Variants in TENM2 observed in about 807,000 individuals in gnomAD.
The protein encoded by TENM2 is teneurin transmembrane protein 2, also known as teneurin-2.
TENM2 carries 52 observed loss-of-function variants against 245.2 expected under a neutral mutation model. The ratio of observed to expected loss-of-function variants is 0.21; its 90% CI spans 0.17 to 0.27. The LOEUF is 0.27. Ranked by LOEUF, TENM2 falls within the 10% of genes least tolerant of loss-of-function variation. The pLI, the probability that TENM2 is intolerant of heterozygous loss-of-function variation, is 1.00. For missense variants in TENM2, 3,046 were observed against 3,666.8 expected (o/e 0.83, Z 4.37); for synonymous variants, 1,363 against 1,438.9 (o/e 0.95, Z 1.19).
intron 2 of TENM2, among the ~76,000 whole-genome samples, chr5:167,722,471 T>C (rs554748844): frequency 2.0e-4 from 30 of 152,276 alleles, no homozygotes; most frequent in Admixed American, 8.5e-4. Flanking sequence ...GATATAGATA[T>C]ATAGAAATAG....
In TENM2 at chr5:168,216,939, T is replaced by C; in HGVS notation, c.4233+17T>C. On this transcript the variant is annotated intron_variant, in intron 22 of 28. Coordinates refer to ENST00000518659, the Ensembl canonical transcript of TENM2. Reference sequence around the variant, plus strand: ...GTAGCCCAGGTGAGACTCTTTCTTATTTCTCTTCACTAAGCAACACCTGCC... The same window carrying C: ...GTAGCCCAGGTGAGACTCTTTCTTACTTCTCTTCACTAAGCAACACCTGCC... 2 of 1,613,058 alleles carry C rather than the reference T, an allele frequency of 1.2e-6. No homozygotes were observed. The highest frequency in any genetic ancestry group is 1.7e-6 in the Non-Finnish European group (2 of 1,179,646).
chr5:167,348,893 AT>A (rs1758643115), intron 1 of TENM2, among the ~76,000 whole-genome samples: 1 of 152,172 alleles, frequency 6.6e-6, no homozygotes, highest in Admixed American at 6.5e-5. Context: ...CAACTAGTTT[AT>A]TGCATATTCT....
chr5:168,021,208 A>C (rs2151907872), intron 5 of TENM2, among the ~76,000 whole-genome samples: 1 of 152,308 alleles, frequency 6.6e-6, no homozygotes, highest in Non-Finnish European at 1.5e-5. Flanking sequence ...GGAAGGGCAA[A>C]CCCTCTTTAG....
At chr5:167,383,357 C>T (rs1251460462) in intron 2 of TENM2, among the ~76,000 whole-genome samples, 2 of 151,978 alleles carry the variant, frequency 1.3e-5, no homozygotes, top group Admixed American at 1.3e-4. Flanking sequence ...AGGAGCATGC[C>T]CTTTAAAGCC....
chr5:167,837,414 C>G (rs1769101231), intron 2 of TENM2, among the ~76,000 whole-genome samples: 1 of 152,096 alleles, frequency 6.6e-6, no homozygotes, highest in Non-Finnish European at 1.5e-5. Context: ...TACGCTCTCT[C>G]ATCAGTATAT....
intron 13 of TENM2, among the ~76,000 whole-genome samples, chr5:168,177,183 G>T (rs1697868278): frequency 6.6e-6 from 1 of 152,216 alleles, no homozygotes; most frequent in African/African-American, 2.4e-5. Flanking sequence ...CCAGCTGCGT[G>T]TGAATCCCAG....
intron 2 of TENM2, among the ~76,000 whole-genome samples, chr5:167,541,150 C>T (rs921363936): frequency 4.6e-5 from 7 of 152,172 alleles, no homozygotes; most frequent in Non-Finnish European, 5.9e-5. Flanking sequence ...CCCAAATGCC[C>T]TTAAGCATCA....
At chr5:167,777,776 G>A (rs1012900996) in intron 2 of TENM2, among the ~76,000 whole-genome samples, 1 of 152,126 alleles carries the variant, frequency 6.6e-6, no homozygotes, top group Non-Finnish European at 1.5e-5. Flanking sequence ...CAGAAAAGGG[G>A]CTTAATTTCT....
At chr5:168,019,910 G>A (rs1267151835) in intron 5 of TENM2, among the ~76,000 whole-genome samples, 1 of 152,184 alleles carries the variant, frequency 6.6e-6, no homozygotes, top group African/African-American at 2.4e-5. Flanking sequence ...GAAATGACAT[G>A]TTTCACCTAT....
chr5:167,716,580 C>A (rs1385947885), intron 2 of TENM2, among the ~76,000 whole-genome samples: 1 of 152,104 alleles, frequency 6.6e-6, no homozygotes, highest in Admixed American at 6.5e-5. Flanking sequence ...GAGCTTTGCT[C>A]CTTTCCTTGA....
chr5:168,102,961 TG>T (rs1477822292), intron 9 of TENM2, among the ~76,000 whole-genome samples: 1 of 152,164 alleles, frequency 6.6e-6, no homozygotes, highest in Non-Finnish European at 1.5e-5. Context: ...ACATGTGCCA[TG>T]TTGGTGTGCT....
chr5:167,701,662 G>A (rs537077489), intron 2 of TENM2, among the ~76,000 whole-genome samples: 1 of 152,256 alleles, frequency 6.6e-6, no homozygotes, highest in East Asian at 1.9e-4. Flanking sequence ...ATTGTTCTAA[G>A]GGTTCATTAA....
In TENM2 at chr5:168,011,926, T is replaced by C. The variant is rs2546947; in HGVS notation, c.1186+18744T>C. 6.0e-3 allele frequency among the ~76,000 whole-genome samples: 907 copies of C among 152,330 alleles called. 10 individuals carry two copies. The highest frequency in any genetic ancestry group is 0.021 in the African/African-American group (855 of 41,568). ...TGTCGCAGTGACTCAGTTTTCCTAA[T>C]TATAATTAGAGAAAGAGGTTCAGAG... is the stretch of plus-strand genomic sequence containing the variant. On this transcript the variant is annotated intron_variant, in intron 5 of 28. Transcript: ENST00000518659.
the TENM2 span, among the ~76,000 whole-genome samples, chr5:167,025,478 AAATT>A: frequency 6.6e-6 from 1 of 152,216 alleles, no homozygotes; most frequent in African/African-American, 2.4e-5. Context: ...ATTTAATTGT[AAATT>A]AATTAAATAA....
At chr5:167,880,214 G>A (rs1228354959) in intron 3 of TENM2, among the ~76,000 whole-genome samples, 2 of 151,852 alleles carry the variant, frequency 1.3e-5, no homozygotes, top group Non-Finnish European at 2.9e-5. Flanking sequence ...TGTATTTTTA[G>A]TAGAAATGGG....
chr5:168,021,871 C>CA (rs1157388024), intron 5 of TENM2, among the ~76,000 whole-genome samples: 1 of 146,936 alleles, frequency 6.8e-6, no homozygotes, highest in Non-Finnish European at 1.5e-5. Context: ...TATCCAATTT[C>CA]AAAAAAGAAA....
intron 2 of TENM2, among the ~76,000 whole-genome samples, chr5:167,561,888 A>G (rs541445792): frequency 6.6e-6 from 1 of 152,228 alleles, no homozygotes; most frequent in Non-Finnish European, 1.5e-5. Flanking sequence ...TTAGAACCGT[A>G]AAAATAAAAA....
At chr5:167,644,974 T>G (rs1779839543) in intron 2 of TENM2, among the ~76,000 whole-genome samples, 1 of 152,210 alleles carries the variant, frequency 6.6e-6, no homozygotes, top group Non-Finnish European at 1.5e-5. Flanking sequence ...TAGCCTAGGC[T>G]GCACACCTGT....
At chr5:167,351,162 TATG>T in intron 1 of TENM2, among the ~76,000 whole-genome samples, 1 of 147,320 alleles carries the variant, frequency 6.8e-6, no homozygotes, top group Admixed American at 7.1e-5. Context: ...ATTATATATA[TATG>T]GGATATATAC....
Sources: allele counts gnomAD v4.1 joint callset (sites outside exome capture counted in the v4.1 genomes callset), GRCh38; gene constraint gnomAD v4.1.1; transcripts MANE v1.5; gene names NCBI Gene and HGNC (gene_info 2026-07-23, HGNC 2026-07-21).